ZNF587: variants seen among roughly 807,000 people sequenced by gnomAD.
ZNF587 encodes zinc finger protein 587.
A neutral mutation model predicts 7.5 loss-of-function variants in ZNF587; 8 were observed. The observed-to-expected ratio is 1.06, with a 90% CI of 0.62 to 1.92. The LOEUF (loss-of-function observed/expected upper bound fraction) is 1.92. Among genes scored for constraint, ZNF587 ranks in the 40% most tolerant of loss-of-function variants. The pLI, the probability that ZNF587 is intolerant of heterozygous loss-of-function variation, is 0.00. For missense variants in ZNF587, 468 were observed against 692.8 expected (o/e 0.68, Z 3.64); for synonymous variants, 145 against 237.8 (o/e 0.61, Z 3.59).
At chr19:57,854,262 G>T (rs1200594873) in intron 1 of ZNF587, among the ~76,000 whole-genome samples, 1 of 151,982 alleles carries the variant, frequency 6.6e-6, no homozygotes, top group African/African-American at 2.4e-5. Context: ...GGTCTCAGCT[G>T]GTGCAGCACA....
chr19:57,860,085 A>G lies in ZNF587; in HGVS notation c.1673A>G (p.Gln558Arg), dbSNP rs1463104954. The G allele has an allele frequency of 1.9e-6, 3 of 1,613,402 alleles. No individual in the cohort carries two copies. Among genetic ancestry groups the G allele is most frequent in the Admixed American group, 1.7e-5 (1 of 59,978 alleles). Reference protein sequence around the residue: ...YECTKCGKTFQRSSTLLHHQS... With the variant: ...YECTKCGKTFRRSSTLLHHQS... The stretch of plus-strand genomic sequence containing the variant: ...TGCACCAAATGTGGAAAAACATTTC[A>G]GCGAAGCTCTACCCTCCTTCATCAT... The change falls in exon 3 of 3, where the codon CAG becomes CGG. Residue 558 changes from glutamine to arginine, a missense_variant. Transcript: ENST00000339656.
Position 57,861,239 on chromosome 19 carries a change from G to A in ZNF587, c.*1099G>A, listed in dbSNP as rs933265512. 1.3e-5 allele frequency: 2 copies of A among 152,118 alleles called. No homozygotes were observed. The highest frequency in any genetic ancestry group is 4.8e-5 in the African/African-American group (2 of 41,420). The allele number at this position is 152,118 out of a possible 1,614,324, so 9.4% of individuals were successfully genotyped here. Reference sequence around the variant, plus strand: ...CTACCATCAGTGTCCAAGAATTTCTGTTCTATCTTACCAAGAGGGAGTATG... The same window carrying A: ...CTACCATCAGTGTCCAAGAATTTCTATTCTATCTTACCAAGAGGGAGTATG... On this transcript the variant is annotated 3_prime_UTR_variant, in exon 3 of 3. Transcript: ENST00000339656.
chr19:57,862,427 C>G lies in ZNF587; in HGVS notation c.*2287C>G, dbSNP rs1371767062. On this transcript the variant is annotated 3_prime_UTR_variant, in exon 3 of 3. Coordinates refer to ENST00000339656, the MANE Select transcript of ZNF587 (RefSeq NM_032828.4). Reference sequence around the variant, plus strand: ...TTCTGAGGCTTTTGTCTTCTAGCTACTTACTTCATTCTCCATGGGTAACGT... The same window carrying G: ...TTCTGAGGCTTTTGTCTTCTAGCTAGTTACTTCATTCTCCATGGGTAACGT... The G allele has an allele frequency of 6.6e-6, 1 of 152,284 alleles. No homozygotes were observed. The highest frequency in any genetic ancestry group is 1.5e-5 in the Non-Finnish European group (1 of 68,058). The allele number at this position is 152,284 out of a possible 1,614,324, so 9.4% of individuals were successfully genotyped here. A position where few individuals can be genotyped will look rare whatever the true frequency, so the allele number is the denominator to read the frequency against.
rs376537766 is a variant in ZNF587, at chr19:57,859,971, A to T, written c.1559A>T (p.Tyr520Phe). 3 of 1,614,118 alleles carry T rather than the reference A, an allele frequency of 1.9e-6. No homozygotes were observed. Among genetic ancestry groups the T allele is most frequent in the South Asian group, 2.2e-5 (2 of 91,086 alleles). ...AGAGTTCATTCTGGACAAAAGCCTT[A>T]TAAGTGCAGTGAATGTGGAAAATCC... The part of the protein sequence containing the change: ...HKRVHSGQKP[Y>F]KCSECGKSFS... Residue 520 changes from tyrosine (Y) to phenylalanine (F), a missense_variant, in exon 3 of 3, where the codon TAT becomes TTT. By Grantham distance (22) the Tyr-to-Phe change is conservative (BLOSUM62 3). Around this residue, in one of 5 missense-constraint regions of ZNF587, gnomAD observed 310 missense variants for 325.6 expected, o/e 0.95. Coordinates refer to ENST00000339656, the MANE Select transcript of ZNF587 (RefSeq NM_032828.4).
chr19:57,854,595 C>T (rs1281224234), intron 1 of ZNF587, among the ~76,000 whole-genome samples: 2 of 151,244 alleles, frequency 1.3e-5, no homozygotes, highest in African/African-American at 2.4e-5. Context: ...CCTAACAGCC[C>T]GTTTTATCAA....
At chr19:57,852,476 A>G (rs1458045639) in intron 1 of ZNF587, 1 of 398,348 alleles carries the variant, frequency 2.5e-6, no homozygotes, top group Non-Finnish European at 4.4e-6. Context: ...TAAGTGGTAA[A>G]TCACATGGGT....
chr19:57,858,569 C>T lies in ZNF587; in HGVS notation c.164-7C>T, dbSNP rs1280095144. The T allele has an allele frequency of 1.2e-6, 2 of 1,604,590 alleles. No individual in the cohort carries two copies. Among genetic ancestry groups the T allele is most frequent in the Admixed American group, 3.4e-5 (2 of 59,068 alleles). ...TTTGCACTTGACCAGCATTTTCTTG[C>T]TTTCAGGTTGTTGGTGTGGATCAAA... On this transcript the variant is annotated splice_polypyrimidine_tract_variant and splice_region_variant and intron_variant, in intron 2 of 2. Transcript: ENST00000339656.
chr19:57,850,292 T>C (rs567428214), intron 1 of ZNF587: 46 of 716,868 alleles, frequency 6.4e-5, no homozygotes, highest in Middle Eastern at 4.0e-4. Flanking sequence ...GATGGAGAAA[T>C]AGTAATTCAC....
chr19:57,850,234 G>C (rs12609734), intron 1 of ZNF587, 163 bp downstream of exon 1: 510,880 of 1,316,982 alleles, frequency 0.39, 103,609 homozygotes, highest in African/African-American at 0.64. Flanking sequence ...GTGGGTTCAC[G>C]TTGCCAGCTG....
rs2071459986 is a variant in ZNF587, at chr19:57,863,266, T to TGC, written c.*3127_*3128dup. 7.9e-5 allele frequency: 12 copies of TGC among 152,366 alleles called. No individual in the cohort carries two copies. Among genetic ancestry groups the TGC allele is most frequent in the Admixed American group, 7.2e-4 (11 of 15,292 alleles). The allele number at this position is 152,366 out of a possible 1,614,324, so 9.4% of individuals were successfully genotyped here. On this transcript the variant is annotated 3_prime_UTR_variant, in exon 3 of 3. Transcript: ENST00000339656. Reference sequence around the variant, plus strand: ...CTCTTTAGCTGGGATTACAGGTGCGTGCCACCACACCCAGCTAATTTTTGT... The same window carrying TGC: ...CTCTTTAGCTGGGATTACAGGTGCGTGCGCCACCACACCCAGCTAATTTTTGT...
rs2071437506 is a variant in ZNF587 at position 57,861,872 on chromosome 19, A to T, written c.*1732A>T. On this transcript the variant is annotated 3_prime_UTR_variant, in exon 3 of 3. Coordinates refer to ENST00000339656, the MANE Select transcript of ZNF587 (RefSeq NM_032828.4). ...ACTGCAACCTCCACCTCCTGTGTTCAAGCGATTCTGCCTCAGCCTCCTGAG... is the reference window on the plus strand; with the variant it reads ...ACTGCAACCTCCACCTCCTGTGTTCTAGCGATTCTGCCTCAGCCTCCTGAG... 2.7e-5 allele frequency: 4 copies of T among 147,498 alleles called. No homozygotes were observed. The Admixed American group carries it at 2.8e-4, about 10-fold the overall frequency. 9.1% of individuals were successfully genotyped at this position (147,498 alleles called of 1,614,324 possible). A position where few individuals can be genotyped will look rare whatever the true frequency, so the allele number is the denominator to read the frequency against.
intron 2 of ZNF587, chr19:57,857,319 A>G (rs144208559): frequency 2.4e-4 from 37 of 152,102 alleles, no homozygotes; most frequent in African/African-American, 8.5e-4. Flanking sequence ...GGCACACACT[A>G]TTTGTCTTTT....
At position 57,859,654 on chromosome 19, in the gene ZNF587, G is replaced by A. The variant is rs199993732; in HGVS notation, c.1242G>A (p.Gly414=). 6.2e-7 allele frequency: 1 copy of A among 1,613,850 alleles called. No individual in the cohort carries two copies. The highest frequency in any genetic ancestry group is 8.5e-7 in the Non-Finnish European group (1 of 1,179,982). ...GGCCCTATGAGTGCAAGGAATGTGG[G>A]AAATCATTTAGGTACAGATCCCACC... ...GERPYECKEC[G]KSFRYRSHLT... Residue 414 remains glycine (G), a synonymous_variant, in exon 3 of 3, where the codon GGG becomes GGA. Transcript: ENST00000339656.
chr19:57,853,467 G>A (rs2071308998), intron 1 of ZNF587, among the ~76,000 whole-genome samples: 1 of 152,188 alleles, frequency 6.6e-6, no homozygotes. Flanking sequence ...CATTTAGGAG[G>A]ACATGCTTCA....
rs540659843 is a variant in ZNF587, at chr19:57,862,351, A to G, written c.*2211A>G. 2 of 152,270 alleles carry G rather than the reference A, an allele frequency of 1.3e-5. No individual in the cohort carries two copies. The highest frequency in any genetic ancestry group is 3.9e-4 in the East Asian group (2 of 5,178). 9.4% of individuals were successfully genotyped at this position (152,270 alleles called of 1,614,324 possible). On this transcript the variant is annotated 3_prime_UTR_variant, in exon 3 of 3. Coordinates refer to ENST00000339656, the MANE Select transcript of ZNF587 (RefSeq NM_032828.4). ...AGTTCTAGGATAGCCATGAGCTCCAATTATCTCAGAGCTCTGAGTCCTCTA... is the reference window on the plus strand; with the variant it reads ...AGTTCTAGGATAGCCATGAGCTCCAGTTATCTCAGAGCTCTGAGTCCTCTA...
Position 57,859,649 on chromosome 19 carries a change from T to C in ZNF587, c.1237T>C (p.Cys413Arg). 1 of 1,614,010 alleles carries C rather than the reference T, an allele frequency of 6.2e-7. No homozygotes were observed. Among genetic ancestry groups the C allele is most frequent in the Non-Finnish European group, 8.5e-7 (1 of 1,179,994 alleles). ...AGAAAGGCCCTATGAGTGCAAGGAA[T>C]GTGGGAAATCATTTAGGTACAGATC... ...TGERPYECKE[C>R]GKSFRYRSHL... The change falls in exon 3 of 3, where the codon TGT becomes CGT. Residue 413 changes from cysteine (C) to arginine (R), a missense_variant. Transcript: ENST00000339656.
At position 57,864,157 on chromosome 19, in the gene ZNF587, A is replaced by G. The variant is rs1402867547; in HGVS notation, c.*4017A>G. ...TTTTTTTTTTTTTTTTTTTTGAGAC[A>G]GAGTCTCACTCTGTCACCCAGGCTG... On this transcript the variant is annotated 3_prime_UTR_variant, in exon 3 of 3. Transcript: ENST00000339656. 8.0e-6 allele frequency: 1 copy of G among 125,242 alleles called. No individual in the cohort carries two copies. Among genetic ancestry groups the G allele is most frequent in the South Asian group, 2.6e-4 (1 of 3,844 alleles). 7.8% of individuals were successfully genotyped at this position (125,242 alleles called of 1,614,324 possible).
chr19:57,850,071 G>A lies in ZNF587; in HGVS notation c.33G>A (p.Gln11=), dbSNP rs747921611. ...CGGCTGTGCCGAGGCGCCCAACTCAGGTAATTGTGGTGCCTTCTGTGCCCT... is the reference window on the plus strand; with the variant it reads ...CGGCTGTGCCGAGGCGCCCAACTCAAGTAATTGTGGTGCCTTCTGTGCCCT... The part of the protein sequence containing the change: MAAAVPRRPT[Q]QGTVTFEDVA... The change falls in exon 1 of 3, where the codon CAG becomes CAA. Residue 11 remains glutamine, a splice_region_variant and synonymous_variant. Coordinates refer to ENST00000339656, the MANE Select transcript of ZNF587 (RefSeq NM_032828.4). 5.0e-6 allele frequency: 8 copies of A among 1,614,132 alleles called. No individual in the cohort carries two copies. In the African/African-American group the frequency reaches 9.3e-5, roughly 19 times the overall value.
In ZNF587 at chr19:57,849,950, G is replaced by T; in HGVS notation, c.-89G>T. On this transcript the variant is annotated 5_prime_UTR_variant, in exon 1 of 3. Transcript: ENST00000339656. ...CCGCGGTGACTGAACCTAGAAGGTGGAGAGGAATCGTCCTCGGTGCCCAGA... is the reference window on the plus strand; with the variant it reads ...CCGCGGTGACTGAACCTAGAAGGTGTAGAGGAATCGTCCTCGGTGCCCAGA... 6.2e-7 allele frequency: 1 copy of T among 1,612,110 alleles called. No individual in the cohort carries two copies. The highest frequency in any genetic ancestry group is 8.5e-7 in the Non-Finnish European group (1 of 1,179,088).
Sources: gnomAD v4.1 joint callset for allele counts (sites outside exome capture counted in the v4.1 genomes callset) on GRCh38, gnomAD v4.1.1 for gene constraint, gnomAD v4.1.1 regional missense constraint, MANE v1.5 for transcripts, NCBI Gene and HGNC (gene_info 2026-07-23, HGNC 2026-07-21) for gene names.